Variants in PPP3CA observed in about 807,000 individuals in gnomAD.
PPP3CA encodes the protein protein phosphatase 3 catalytic subunit alpha.
In PPP3CA, 14 loss-of-function variants were observed where a neutral mutation model predicts 66.5. The observed-to-expected ratio is 0.21, with a 90% CI of 0.14 to 0.33. The LOEUF is 0.33. Among genes scored for constraint, PPP3CA ranks in the 10% least tolerant of loss-of-function variants. The probability of loss-of-function intolerance (pLI) is 1.00; values close to 1 mark genes in which losing one functional copy is unlikely to be tolerated. For synonymous variants in PPP3CA, 232 were observed against 226.2 expected (o/e 1.03, Z -0.23); for missense variants, 317 against 639.5 (o/e 0.50, Z 5.44).
chr4:101,117,247 A>G (rs1457912553), intron 2 of PPP3CA, among the ~76,000 whole-genome samples: 1 of 151,876 alleles, frequency 6.6e-6, no homozygotes, highest in South Asian at 2.1e-4. Context: ...TTCATCCCCT[A>G]ATTCTCAGTT....
chr4:101,154,679 A>G (rs964868086), intron 2 of PPP3CA, among the ~76,000 whole-genome samples: 7 of 152,158 alleles, frequency 4.6e-5, no homozygotes, highest in African/African-American at 1.4e-4. Context: ...CTTCACCTCA[A>G]TAACAGGTTC....
chr4:101,346,723 G>C lies in PPP3CA; in HGVS notation c.58+16C>G. 5 of 1,608,286 alleles carry C rather than the reference G, an allele frequency of 3.1e-6. No homozygotes were observed. The highest frequency in any genetic ancestry group is 4.2e-6 in the Non-Finnish European group (5 of 1,177,726). On this transcript the variant is annotated intron_variant, in intron 1 of 13. Transcript: ENST00000394854. ...CGGCACACGGTGCACCCAGGCCACC[G>C]CGGCGCTCCGCTTACCTTTCACCAC...
chr4:101,089,786 G>A (rs1050407545), intron 6 of PPP3CA, among the ~76,000 whole-genome samples: 1 of 152,174 alleles, frequency 6.6e-6, no homozygotes, highest in Admixed American at 6.5e-5. Flanking sequence ...TCTGGTCTAA[G>A]ATTCTAAAGA....
Position 101,270,418 on chromosome 4 carries a change from G to A in PPP3CA, c.59-74302C>T, listed in dbSNP as rs564989429. Among the ~76,000 whole-genome samples the A allele has an allele frequency of 5.9e-5, 9 of 152,060 alleles. No homozygotes were observed. The South Asian group carries it at 1.9e-3, about 32-fold the overall frequency. On this transcript the variant is annotated intron_variant, in intron 1 of 13. Transcript: ENST00000394854. ...TTCCACCTCCCAGATTCAAAGAAAA[G>A]GACATATGCATGATGCCATACGTTC...
At chr4:101,083,979 T>C (rs1729551027) in intron 6 of PPP3CA, among the ~76,000 whole-genome samples, 1 of 152,248 alleles carries the variant, frequency 6.6e-6, no homozygotes, top group South Asian at 2.1e-4. Flanking sequence ...TATGTTTGTC[T>C]TTTAAGAGTC....
chr4:101,329,654 G>A (rs1729317358), intron 1 of PPP3CA, among the ~76,000 whole-genome samples: 1 of 152,096 alleles, frequency 6.6e-6, no homozygotes, highest in African/African-American at 2.4e-5. Flanking sequence ...CTTTTTAGGG[G>A]TTAATGCAGC....
chr4:101,188,494 T>C (rs1724484388), intron 2 of PPP3CA, among the ~76,000 whole-genome samples: 1 of 152,188 alleles, frequency 6.6e-6, no homozygotes, highest in Non-Finnish European at 1.5e-5. Context: ...ATCCTACTTT[T>C]TCAAAATACA....
chr4:101,042,869 G>GTA (rs1251568178), intron 10 of PPP3CA, among the ~76,000 whole-genome samples: 3 of 143,972 alleles, frequency 2.1e-5, no homozygotes, highest in East Asian at 2.0e-4. Context: ...TCCTATACAT[G>GTA]TATATATATA....
intron 1 of PPP3CA, among the ~76,000 whole-genome samples, chr4:101,323,349 A>G (rs1233591345): frequency 2.6e-5 from 4 of 152,318 alleles, no homozygotes; most frequent in Non-Finnish European, 1.5e-5. Context: ...TTAAAGACTA[A>G]AATTTGGATT....
intron 2 of PPP3CA, among the ~76,000 whole-genome samples, chr4:101,174,434 C>T (rs1578521177): frequency 6.6e-6 from 1 of 152,172 alleles, no homozygotes; most frequent in Middle Eastern, 3.4e-3. Flanking sequence ...AATAATACAT[C>T]GTTTTGTATT....
chr4:101,177,028 G>C (rs989124480), intron 2 of PPP3CA, among the ~76,000 whole-genome samples: 3 of 152,032 alleles, frequency 2.0e-5, no homozygotes, highest in Non-Finnish European at 4.4e-5. Flanking sequence ...TGTGAAACAG[G>C]CCTGCTATAT....
At chr4:101,142,128 T>C (rs920253868) in intron 2 of PPP3CA, among the ~76,000 whole-genome samples, 1 of 151,790 alleles carries the variant, frequency 6.6e-6, no homozygotes, top group Non-Finnish European at 1.5e-5. Context: ...CATAATACAA[T>C]TAAAGACACC....
At chr4:101,222,076 T>C (rs1393573243) in intron 1 of PPP3CA, among the ~76,000 whole-genome samples, 2 of 151,680 alleles carry the variant, frequency 1.3e-5, no homozygotes, top group Non-Finnish European at 3.0e-5. Flanking sequence ...GTATTTAAAT[T>C]TGAAACCCAG....
chr4:101,122,744 G>T (rs1722068983), intron 2 of PPP3CA, among the ~76,000 whole-genome samples: 1 of 152,138 alleles, frequency 6.6e-6, no homozygotes, highest in Non-Finnish European at 1.5e-5. Context: ...GAAGGATGGT[G>T]ACATTATATT....
intron 1 of PPP3CA, among the ~76,000 whole-genome samples, chr4:101,264,124 T>C (rs1727094045): frequency 6.6e-6 from 1 of 152,190 alleles, no homozygotes; most frequent in Admixed American, 6.5e-5. Context: ...ACATAAAAAG[T>C]AATATGTCTT....
chr4:101,304,424 C>T (rs987450566), intron 1 of PPP3CA, among the ~76,000 whole-genome samples: 11 of 152,062 alleles, frequency 7.2e-5, no homozygotes, highest in Admixed American at 3.9e-4. Flanking sequence ...CATTTCCGTG[C>T]CAATAGAGAC....
intron 1 of PPP3CA, among the ~76,000 whole-genome samples, chr4:101,344,235 G>A (rs1456929249): frequency 6.6e-5 from 10 of 152,064 alleles, no homozygotes; most frequent in South Asian, 2.1e-4. Flanking sequence ...CAGCATACGC[G>A]TACTTTCCAT....
chr4:101,135,602 T>C (rs1722597007), intron 2 of PPP3CA, among the ~76,000 whole-genome samples: 1 of 152,144 alleles, frequency 6.6e-6, no homozygotes, highest in Admixed American at 6.6e-5. Flanking sequence ...TCTGGTTCCC[T>C]CCTCTCCCCC....
rs934711102 is a variant in PPP3CA, at chr4:101,346,652, G to A, written c.58+87C>T. On this transcript the variant is annotated intron_variant, in intron 1 of 13. Transcript: ENST00000394854. The stretch of plus-strand genomic sequence containing the variant: ...AGCGGACAGAGGAGAACCTGGGGCG[G>A]GGGAGGGGAGGAAAGGCGAGGCGAG... 9.9e-6 allele frequency: 11 copies of A among 1,106,814 alleles called. No individual in the cohort carries two copies. In the African/African-American group the frequency reaches 1.0e-4, roughly 10 times the overall value. The allele number at this position is 1,106,814 out of a possible 1,614,324, so 68.6% of individuals were successfully genotyped here.
Sources: gnomAD v4.1 joint callset for allele counts (sites outside exome capture counted in the v4.1 genomes callset) on GRCh38, gnomAD v4.1.1 for gene constraint, MANE v1.5 for transcripts, NCBI Gene and HGNC (gene_info 2026-07-23, HGNC 2026-07-21) for gene names.